Variants in SYTL3 observed in about 807,000 individuals in gnomAD.
SYTL3 encodes synaptotagmin-like protein 3.
SYTL3 carries 88 observed loss-of-function variants against 82.1 expected under a neutral mutation model. The ratio of observed to expected loss-of-function variants is 1.07; its 90% CI spans 0.90 to 1.28. SYTL3 has a LOEUF of 1.28. Ranked by LOEUF, SYTL3 falls within the 50% of genes most tolerant of loss-of-function variation. The pLI is 0.00. For synonymous variants in SYTL3, 311 were observed against 289.4 expected (o/e 1.07, Z -0.76); for missense variants, 831 against 757.6 (o/e 1.10, Z -1.14).
intron 11 of SYTL3, chr6:158,726,447 G>C (rs1359052806): frequency 1.5e-5 from 3 of 194,002 alleles, no homozygotes; most frequent in African/African-American, 2.4e-5. Context: ...TCAAGCCGTA[G>C]AATTATGCCT....
intron 5 of SYTL3, among the ~76,000 whole-genome samples, chr6:158,670,085 T>G (rs1396366903): frequency 6.6e-6 from 1 of 152,260 alleles, no homozygotes. Context: ...GAAGTGACAT[T>G]TCAAAGGAAG....
intron 11 of SYTL3, among the ~76,000 whole-genome samples, chr6:158,730,627 C>T (rs1226196444): frequency 1.3e-5 from 2 of 152,090 alleles, no homozygotes; most frequent in East Asian, 1.9e-4. Flanking sequence ...CTCAGCAACG[C>T]GGAAAGAAAG....
chr6:158,725,738 C>A, intron 11 of SYTL3, 101 bp downstream of exon 11: 1 of 1,446,792 alleles, frequency 6.9e-7, no homozygotes, highest in South Asian at 1.3e-5. Flanking sequence ...ATTTGAAGGT[C>A]CTTATTTTTG....
At chr6:158,699,804 C>T (rs1363305403) in intron 6 of SYTL3, among the ~76,000 whole-genome samples, 2 of 151,550 alleles carry the variant, frequency 1.3e-5, no homozygotes, top group South Asian at 2.1e-4. Flanking sequence ...AAAAATTAGC[C>T]AGGTGAGGTG....
chr6:158,662,274 G>A (rs979946845), intron 3 of SYTL3, among the ~76,000 whole-genome samples: 44 of 152,188 alleles, frequency 2.9e-4, no homozygotes, highest in Non-Finnish European at 4.9e-4. Context: ...AAGGATGTAT[G>A]CAGAACCTTT....
chr6:158,709,245 A>G (rs1385406023), intron 8 of SYTL3, among the ~76,000 whole-genome samples: 2 of 152,122 alleles, frequency 1.3e-5, no homozygotes, highest in East Asian at 1.9e-4. Context: ...AATAAATTGT[A>G]TTTAATACAC....
chr6:158,731,002 G>A (rs570681587), intron 11 of SYTL3, among the ~76,000 whole-genome samples: 1 of 152,172 alleles, frequency 6.6e-6, no homozygotes, highest in Admixed American at 6.5e-5. Flanking sequence ...AAAGATATTC[G>A]GGCCGGGCGT....
intron 5 of SYTL3, among the ~76,000 whole-genome samples, chr6:158,666,286 G>A (rs1244745792): frequency 6.6e-6 from 1 of 152,160 alleles, no homozygotes; most frequent in Non-Finnish European, 1.5e-5. Flanking sequence ...AAGCTGACCT[G>A]TCTTTAATAC....
intron 6 of SYTL3, among the ~76,000 whole-genome samples, chr6:158,706,505 G>T (rs1024861605): frequency 6.6e-6 from 1 of 152,140 alleles, no homozygotes; most frequent in Non-Finnish European, 1.5e-5. Flanking sequence ...GGCAGGCCCG[G>T]TGTTCTGGTC....
chr6:158,754,331 C>T (rs1788795521), intron 13 of SYTL3, among the ~76,000 whole-genome samples: 1 of 152,182 alleles, frequency 6.6e-6, no homozygotes, highest in Non-Finnish European at 1.5e-5. Context: ...ATTGCCTGGC[C>T]CTGCTCTCAA....
chr6:158,764,459 C>G (rs1432039218), intron 17 of SYTL3, 36 bp from the exon 18 acceptor site: 18 of 1,524,788 alleles, frequency 1.2e-5, no homozygotes, highest in Non-Finnish European at 1.6e-5. Context: ...GTGGTGCCCT[C>G]CCCGACCATG....
rs370767012 is a variant in SYTL3 at position 158,728,572 on chromosome 6, G to A, written c.855+2935G>A. 3.3e-5 allele frequency among the ~76,000 whole-genome samples: 5 copies of A among 152,194 alleles called. No homozygotes were observed. In the East Asian group the frequency reaches 7.7e-4, roughly 23 times the overall value. On this transcript the variant is annotated intron_variant, in intron 11 of 17. Coordinates refer to ENST00000611299, the MANE Select transcript of SYTL3 (RefSeq NM_001242394.2). The stretch of plus-strand genomic sequence containing the variant: ...AATTTGGTTCTTCTTTTTCAAGATT[G>A]CTTTGTGATGTTTTAAATGTATTCT...
At chr6:158,752,056 G>T (rs1382858610) in intron 13 of SYTL3, 26 bp downstream of exon 13, 4 of 1,533,696 alleles carry the variant, frequency 2.6e-6, no homozygotes, top group Admixed American at 2.2e-5. Context: ...ATATTCCTGT[G>T]CAGAGTCCTC....
In SYTL3 at chr6:158,666,228, T is replaced by G. The variant is rs1790037219; in HGVS notation, c.329+615T>G. Among the ~76,000 whole-genome samples the G allele has an allele frequency of 2.6e-5, 4 of 152,236 alleles. No individual in the cohort carries two copies. In the South Asian group the frequency reaches 8.3e-4, roughly 31 times the overall value. On this transcript the variant is annotated intron_variant, in intron 5 of 17. Coordinates refer to ENST00000611299, the MANE Select transcript of SYTL3 (RefSeq NM_001242394.2). ...AGTACCAGTGGAGTAAATTATAATC[T>G]AGGGAATATTGGAGTAATCATCTGA...
At chr6:158,758,516 C>G (rs1260454156) in intron 14 of SYTL3, among the ~76,000 whole-genome samples, 1 of 152,188 alleles carries the variant, frequency 6.6e-6, no homozygotes, top group African/African-American at 2.4e-5. Context: ...TCTGCTCCGA[C>G]CTGGACATAA....
intron 2 of SYTL3, among the ~76,000 whole-genome samples, chr6:158,660,457 C>T (rs1179186584): frequency 6.6e-6 from 1 of 152,204 alleles, no homozygotes; most frequent in Admixed American, 6.5e-5. Context: ...AGGGCGTTTC[C>T]CACACTTGCA....
intron 6 of SYTL3, among the ~76,000 whole-genome samples, chr6:158,702,250 C>T (rs1286144064): frequency 3.4e-5 from 5 of 147,964 alleles, no homozygotes; most frequent in Non-Finnish European, 5.9e-5. Context: ...CACTTGAACC[C>T]GGGAGGCGGA....
intron 12 of SYTL3, among the ~76,000 whole-genome samples, chr6:158,746,314 A>G (rs935666617): frequency 2.0e-5 from 3 of 152,000 alleles, no homozygotes; most frequent in African/African-American, 7.3e-5. Flanking sequence ...GTGGACTTCA[A>G]TAAATGATGT....
intron 5 of SYTL3, among the ~76,000 whole-genome samples, chr6:158,681,457 C>T (rs957903372): frequency 2.0e-5 from 3 of 152,234 alleles, no homozygotes; most frequent in Admixed American, 1.3e-4. Flanking sequence ...TCAGGTGGAT[C>T]GCCTGAGGTC....
Sources: gnomAD v4.1 joint callset for allele counts (sites outside exome capture counted in the v4.1 genomes callset) on GRCh38, gnomAD v4.1.1 for gene constraint, MANE v1.5 for transcripts, NCBI Gene and HGNC (gene_info 2026-07-23, HGNC 2026-07-21) for gene names.